Variants in ZBTB46 observed in about 807,000 individuals in gnomAD.
ZBTB46 encodes zinc finger and BTB domain-containing protein 46.
ZBTB46 carries 8 observed loss-of-function variants against 44.1 expected under a neutral mutation model. The ratio of observed to expected loss-of-function variants is 0.18; its 90% confidence interval spans 0.11 to 0.33. ZBTB46 has a LOEUF of 0.33. ZBTB46 is among the 10% of genes least tolerant of loss of function. ZBTB46 has a pLI of 1.00. For missense variants in ZBTB46, 651 were observed against 847.7 expected, an observed-to-expected ratio of 0.77 and a Z score of 2.88; for synonymous variants, 409 against 382.3, an observed-to-expected ratio of 1.07 and a Z score of -0.81.
At position 63,813,230 on chromosome 20, in the gene ZBTB46, T is replaced by G. The variant is rs73624734; in HGVS notation, c.-34+17867A>C. 4.2e-4 allele frequency among the ~76,000 whole-genome samples: 64 copies of G among 151,408 alleles called. 2 individuals carry two copies. In the South Asian group the frequency reaches 0.011, roughly 27 times the overall value. On this transcript the variant is annotated intron_variant, in intron 1 of 4. Transcript: ENST00000245663. ...TTGGGAGGCTGAGGCGGGTGGATCA[T>G]CTGAGGTCAGGAGTTCGAGACCAGC...
chr20:63,811,162 C>T (rs2092715683), intron 1 of ZBTB46, among the ~76,000 whole-genome samples: 1 of 152,194 alleles, frequency 6.6e-6, no homozygotes, highest in African/African-American at 2.4e-5. Flanking sequence ...TCCCAGAACC[C>T]CACAGAATGG....
intron 2 of ZBTB46, among the ~76,000 whole-genome samples, chr20:63,779,439 A>G (rs1297802314): frequency 3.4e-5 from 2 of 59,354 alleles, no homozygotes; most frequent in Admixed American, 2.5e-4. Flanking sequence ...TTTTTTTTTG[A>G]GACGGAGTCT....
At chr20:63,763,244 C>T (rs2092292333) in intron 3 of ZBTB46, among the ~76,000 whole-genome samples, 1 of 152,198 alleles carries the variant, frequency 6.6e-6, no homozygotes, top group Non-Finnish European at 1.5e-5. Context: ...AGGCTATCAT[C>T]TTGTTTTTTA....
chr20:63,797,787 T>G (rs531043379), intron 1 of ZBTB46, among the ~76,000 whole-genome samples: 1 of 152,382 alleles, frequency 6.6e-6, no homozygotes, highest in East Asian at 1.9e-4. Context: ...GTCTGTTGGC[T>G]GCATAAATGT....
intron 3 of ZBTB46, among the ~76,000 whole-genome samples, chr20:63,768,837 G>C (rs1203842055): frequency 1.3e-5 from 2 of 152,122 alleles, no homozygotes; most frequent in Non-Finnish European, 2.9e-5. Flanking sequence ...TCGGGGGTTG[G>C]CCAGAAATGT....
rs1340569237 is a variant in ZBTB46 at position 63,797,280 on chromosome 20, G to T, written c.-33-6490C>A. 3.3e-5 allele frequency among the ~76,000 whole-genome samples: 5 copies of T among 151,218 alleles called. No individual in the cohort carries two copies. The Admixed American group carries it at 3.3e-4, about 10-fold the overall frequency. ...TGGTTTTCTGTCCTTGTGATAGTTT[G>T]CTCAGAATGATGGTTTCCAGCTTCA... On this transcript the variant is annotated intron_variant, in intron 1 of 4. Transcript: ENST00000245663.
rs771267191 is a variant in ZBTB46, at chr20:63,817,764, A to ACACC, written c.-34+13329_-34+13332dup. On this transcript the variant is annotated intron_variant, in intron 1 of 4. Transcript: ENST00000245663. ...GAAGAAAGAAGAGGAAAAAACCTGG[A>ACACC]CACCCGCAGGGGAGACTGTGTGAAG... 9.5e-4 allele frequency among the ~76,000 whole-genome samples: 144 copies of ACACC among 151,670 alleles called. 1 individual carries two copies. The highest frequency in any genetic ancestry group is 1.6e-3 in the Admixed American group (24 of 15,246).
Position 63,803,976 on chromosome 20 carries a change from G to C in ZBTB46, c.-33-13186C>G, listed in dbSNP as rs1450317208. Among the ~76,000 whole-genome samples the C allele has an allele frequency of 6.6e-6, 1 of 152,204 alleles. No homozygotes were observed. Among genetic ancestry groups the C allele is most frequent in the African/African-American group, 2.4e-5 (1 of 41,458 alleles). On this transcript the variant is annotated intron_variant, in intron 1 of 4. Transcript: ENST00000245663. The surrounding 1 kb of genome is among the most constrained non-coding windows in gnomAD (Gnocchi z 4.0). ...GGCTTCTCAAAGCGCTGGGATGATA[G>C]GCGTGAGCCACTGCACCGACATAAC...
chr20:63,815,291 G>A (rs1014082238), intron 1 of ZBTB46: 2 of 285,990 alleles, frequency 7.0e-6, no homozygotes, highest in Non-Finnish European at 1.3e-5. Context: ...TGCAGGTGCA[G>A]TGGGCAAAGG....
rs376217605 is a variant in ZBTB46 at position 63,775,907 on chromosome 20, G to A, written c.993C>T (p.Ala331=). Residue 331 remains alanine (A), a synonymous_variant, in exon 3 of 5, where the codon GCC becomes GCT. Transcript: ENST00000245663. ...ASSSDSRGER[A]ELYAQVEEGL... Reference sequence around the variant, plus strand: ...CCTCCTCCACCTGTGCATAGAGCTCGGCCCTCTCTCCTCGGCTGTCGGAGC... The same window carrying A: ...CCTCCTCCACCTGTGCATAGAGCTCAGCCCTCTCTCCTCGGCTGTCGGAGC... 30 of 1,605,038 alleles carry A rather than the reference G, an allele frequency of 1.9e-5. No homozygotes were observed. The highest frequency in any genetic ancestry group is 2.2e-5 in the Non-Finnish European group (26 of 1,176,970).
chr20:63,808,917 C>T (rs1487428005), intron 1 of ZBTB46, among the ~76,000 whole-genome samples: 8 of 127,592 alleles, frequency 6.3e-5, no homozygotes, highest in Admixed American at 9.8e-5. Context: ...GCGGAGCTTG[C>T]GGTGAGCCGA....
chr20:63,823,807 T>C (rs1287860188), intron 1 of ZBTB46, among the ~76,000 whole-genome samples: 2 of 151,902 alleles, frequency 1.3e-5, no homozygotes, highest in African/African-American at 4.8e-5. Context: ...TGTCTTCCAA[T>C]TCCTTTTCCT....
chr20:63,814,438 T>C (rs1243063320), intron 1 of ZBTB46, among the ~76,000 whole-genome samples: 3 of 152,282 alleles, frequency 2.0e-5, no homozygotes, highest in African/African-American at 7.2e-5. Flanking sequence ...ATAATATAAC[T>C]TTTACAAAAC....
chr20:63,754,106 G>A (rs1002912659), intron 3 of ZBTB46, among the ~76,000 whole-genome samples: 1 of 152,212 alleles, frequency 6.6e-6, no homozygotes, highest in Non-Finnish European at 1.5e-5. Flanking sequence ...TGTCTGTGTG[G>A]CCAAGACACA....
Position 63,775,797 on chromosome 20 carries a change from G to GGCGCCGCGCGCAGGTTGT in ZBTB46, c.1102_1103insACAACCTGCGCGCGGCGC (p.Ala368delinsAspAsnLeuArgAlaAlaPro), listed in dbSNP as rs1371572687. 1 of 1,613,342 alleles carries GGCGCCGCGCGCAGGTTGT rather than the reference G, an allele frequency of 6.2e-7. No homozygotes were observed. Among genetic ancestry groups the GGCGCCGCGCGCAGGTTGT allele is most frequent in the East Asian group, 2.2e-5 (1 of 44,870 alleles). Reference sequence around the variant, plus strand: ...ACTCATGAGCGCCGCGCGCAGGTTGGCCACCGCGGTGGCCTGATGCAGGGC... The same window carrying GGCGCCGCGCGCAGGTTGT: ...ACTCATGAGCGCCGCGCGCAGGTTGGGCGCCGCGCGCAGGTTGTCCACCGCGGTGGCCTGATGCAGGGC... On this transcript the variant is annotated protein_altering_variant, in exon 3 of 5. Transcript: ENST00000245663.
At chr20:63,800,415 CCTCA>C in intron 1 of ZBTB46, among the ~76,000 whole-genome samples, 1 of 152,192 alleles carries the variant, frequency 6.6e-6, no homozygotes, top group Non-Finnish European at 1.5e-5. Context: ...CCCTCACAGC[CCTCA>C]CTCACTCTTG....
chr20:63,831,504 C>T (rs919265418), upstream of ZBTB46, among the ~76,000 whole-genome samples: 163 of 145,912 alleles, frequency 1.1e-3, no homozygotes, highest in African/African-American at 3.8e-3. Context: ...GGTCCGTTCT[C>T]CCCCCCGCGG....
chr20:63,769,161 T>TG, intron 3 of ZBTB46: 1 of 984,318 alleles, frequency 1.0e-6, no homozygotes, highest in Non-Finnish European at 1.2e-6. Flanking sequence ...ATCTGGGCCG[T>TG]GGCCACGCAC....
chr20:63,788,941 T>C (rs2092537875), intron 2 of ZBTB46, among the ~76,000 whole-genome samples: 1 of 150,058 alleles, frequency 6.7e-6, no homozygotes, highest in Admixed American at 6.6e-5. Context: ...GTTCAAGCGA[T>C]TCTCCTGCCT....
Sources: gnomAD v4.1 joint callset for allele counts (sites outside exome capture counted in the v4.1 genomes callset) on GRCh38, gnomAD v4.1.1 for gene constraint, Gnocchi (gnomAD v3.1) non-coding constraint, MANE v1.5 for transcripts, NCBI Gene and HGNC (gene_info 2026-07-23, HGNC 2026-07-21) for gene names.